Variants in USP20 observed in about 807,000 individuals in gnomAD.
USP20 encodes the protein ubiquitin specific peptidase 20.
In USP20, 80 loss-of-function variants were observed where a neutral mutation model predicts 124.2. That is an observed-to-expected ratio of 0.64 (90% CI 0.54 to 0.78). The LOEUF is 0.78. USP20 is among the 30% of genes least tolerant of loss of function. USP20 has a pLI of 0.00. For synonymous variants in USP20, 481 were observed against 512.3 expected, an observed-to-expected ratio of 0.94 and a Z score of 0.83; for missense variants, 1,043 against 1,244.4, an observed-to-expected ratio of 0.84 and a Z score of 2.44.
chr9:129,866,519 C>A (rs952531337), intron 10 of USP20, among the ~76,000 whole-genome samples: 65 of 152,360 alleles, frequency 4.3e-4, no homozygotes, highest in African/African-American at 1.3e-3. Flanking sequence ...TTCAGGCCTA[C>A]CTGAGCCCAT....
At chr9:129,878,587 G>A (rs1247541993) in intron 23 of USP20, 147 bp downstream of exon 23, 1 of 708,628 alleles carries the variant, frequency 1.4e-6, no homozygotes, top group African/African-American at 1.8e-5. Flanking sequence ...CAGAGAGCAT[G>A]GGGCTTTGCC....
rs548338973 is a variant in USP20, at chr9:129,856,280, C to G, written c.82-27C>G. On this transcript the variant is annotated intron_variant, in intron 3 of 25. Transcript: ENST00000372429. The stretch of plus-strand genomic sequence containing the variant: ...CCGCAACGGGCTCCTCATGCCTGCT[C>G]TTTTTCTCTCCTCTCAACTCACACA... 4 of 1,613,002 alleles carry G rather than the reference C, an allele frequency of 2.5e-6. No individual in the cohort carries two copies. The East Asian group carries it at 6.7e-5, about 27-fold the overall frequency.
At chr9:129,863,011 G>A (rs2033629283) in intron 8 of USP20, among the ~76,000 whole-genome samples, 175 bp from the exon 9 acceptor site, 1 of 152,152 alleles carries the variant, frequency 6.6e-6, no homozygotes, top group Non-Finnish European at 1.5e-5. Context: ...GAATTTTGGA[G>A]GATACAATTT....
At chr9:129,842,701 C>G (rs2131033018) in intron 1 of USP20, among the ~76,000 whole-genome samples, 2 of 150,606 alleles carry the variant, frequency 1.3e-5, no homozygotes, top group African/African-American at 4.9e-5. Flanking sequence ...TCAAGCGATT[C>G]TCCTGCCTCA....
At chr9:129,837,433 T>C (rs1037790552) in intron 1 of USP20, among the ~76,000 whole-genome samples, 2 of 152,196 alleles carry the variant, frequency 1.3e-5, no homozygotes, top group Non-Finnish European at 2.9e-5. Flanking sequence ...TCATGTCCGA[T>C]TGGATTTGGG....
At chr9:129,854,291 G>A (rs1200507323) in intron 3 of USP20, among the ~76,000 whole-genome samples, 1 of 152,158 alleles carries the variant, frequency 6.6e-6, no homozygotes, top group Admixed American at 6.5e-5. Flanking sequence ...ATAAACATAT[G>A]ATACAGCAGT....
chr9:129,863,278 C>T lies in USP20; in HGVS notation c.590C>T (p.Ser197Phe). Residue 197 changes from serine to phenylalanine, a missense_variant, in exon 9 of 26, where the codon TCT becomes TTT. Transcript: ENST00000372429. The part of the protein sequence containing the change: ...ALCKSYQKLV[S>F]EVWHKKRPSY... ...TGCAAGAGCTACCAGAAGCTGGTCT[C>T]TGAGGTCTGGCATAAGAAACGGTGA... 1 of 1,549,030 alleles carries T rather than the reference C, an allele frequency of 6.5e-7. No individual in the cohort carries two copies. Among genetic ancestry groups the T allele is most frequent in the Non-Finnish European group, 8.7e-7 (1 of 1,144,162 alleles).
chr9:129,846,736 C>T (rs558045362), intron 1 of USP20, among the ~76,000 whole-genome samples: 2 of 151,576 alleles, frequency 1.3e-5, no homozygotes, highest in East Asian at 3.9e-4. Flanking sequence ...AAGCGATTCT[C>T]CTGCCTCAGC....
chr9:129,837,885 T>C (rs768342632), intron 1 of USP20, among the ~76,000 whole-genome samples: 2 of 152,032 alleles, frequency 1.3e-5, no homozygotes, highest in Non-Finnish European at 2.9e-5. Flanking sequence ...TTATTTAGAG[T>C]GTACACCCTG....
chr9:129,875,938 G>A (rs938705293), intron 21 of USP20, among the ~76,000 whole-genome samples, 192 bp from the exon 22 acceptor site: 1 of 152,296 alleles, frequency 6.6e-6, no homozygotes, highest in Non-Finnish European at 1.5e-5. Context: ...CAGCCTTGAA[G>A]CAGGACCTCC....
intron 9 of USP20, 88 bp from the exon 10 acceptor site, chr9:129,865,215 C>A: frequency 7.7e-6 from 11 of 1,433,454 alleles, no homozygotes; most frequent in Admixed American, 1.7e-5. Context: ...ACACTCTGAT[C>A]CAGCCTGACG....
chr9:129,854,702 T>C (rs2033121464), intron 3 of USP20, among the ~76,000 whole-genome samples: 1 of 151,842 alleles, frequency 6.6e-6, no homozygotes, highest in Non-Finnish European at 1.5e-5. Flanking sequence ...ATGAGAGAGA[T>C]GACAAATTCA....
At chr9:129,859,178 G>A (rs2033378971) in intron 6 of USP20, among the ~76,000 whole-genome samples, 1 of 150,512 alleles carries the variant, frequency 6.6e-6, no homozygotes, top group East Asian at 1.9e-4. Flanking sequence ...GGAATGGTCA[G>A]TAATCCTGGA....
chr9:129,849,552 G>C (rs1011164050), intron 1 of USP20, among the ~76,000 whole-genome samples: 2 of 152,120 alleles, frequency 1.3e-5, no homozygotes, highest in Non-Finnish European at 2.9e-5. Context: ...TTGAGCCCAG[G>C]AGTTCAAGAC....
intron 6 of USP20, among the ~76,000 whole-genome samples, chr9:129,859,288 T>TTATTTTATTTTATTTTATTTTATTTTA (rs1344090444): frequency 2.2e-5 from 3 of 139,502 alleles, no homozygotes; most frequent in Non-Finnish European, 4.7e-5. Flanking sequence ...TATTTTAATT[T>TTATTTTATTTTATTTTATTTTATTTTA]TTTGAGACCG....
At chr9:129,865,642 T>C (rs548112823) in intron 10 of USP20, among the ~76,000 whole-genome samples, 1 of 152,204 alleles carries the variant, frequency 6.6e-6, no homozygotes, top group African/African-American at 2.4e-5. Context: ...ACACAGCTAG[T>C]AAATGGTGGA....
rs774519405 is a variant in USP20 at position 129,880,280 on chromosome 9, G to A, written c.*7G>A. 5.2e-5 allele frequency: 83 copies of A among 1,584,456 alleles called. 1 individual carries two copies. The Admixed American group carries it at 1.5e-3, about 28-fold the overall frequency. On this transcript the variant is annotated 3_prime_UTR_variant, in exon 25 of 26. Coordinates refer to ENST00000372429, the MANE Select transcript of USP20 (RefSeq NM_001110303.4). The stretch of plus-strand genomic sequence containing the variant: ...CGAGACGCGGGCCGTGTGATCTGCT[G>A]GGCTAGTCTGTAAGTCGCCCCGGCT...
At chr9:129,875,733 A>T (rs1588289488) in intron 21 of USP20, 92 bp downstream of exon 21, 2 of 1,250,408 alleles carry the variant, frequency 1.6e-6, no homozygotes, top group Non-Finnish European at 2.3e-6. Context: ...TGCCACCAGG[A>T]CCCCACACCA....
Position 129,874,861 on chromosome 9 carries a change from A to G in USP20, c.1954A>G (p.Ile652Val). The change falls in exon 19 of 26, where the codon ATC (isoleucine) becomes GTC (valine). Residue 652 changes from isoleucine (I) to valine (V), a missense_variant. Ile to Val is a conservative substitution (Grantham distance 29). Transcript: ENST00000372429. Reference protein sequence around the residue: ...GHYIAYCQNVINGQWYEFDDQ... With the variant: ...GHYIAYCQNVVNGQWYEFDDQ... ...CTACATCGCCTACTGCCAGAACGTG[A>G]TCAATGGGCAGTGGTACGAGTTTGA... 6.2e-7 allele frequency: 1 copy of G among 1,614,120 alleles called. No homozygotes were observed. The highest frequency in any genetic ancestry group is 1.1e-5 in the South Asian group (1 of 91,086).
Sources: gnomAD v4.1 joint callset for allele counts (sites outside exome capture counted in the v4.1 genomes callset) on GRCh38, gnomAD v4.1.1 for gene constraint, MANE v1.5 for transcripts, NCBI Gene and HGNC (gene_info 2026-07-23, HGNC 2026-07-21) for gene names.